SLC24A2: variants seen among roughly 807,000 people sequenced by gnomAD.
SLC24A2 encodes the protein solute carrier family 24 member 2, also known as sodium/potassium/calcium exchanger 2.
SLC24A2 carries 36 observed loss-of-function variants against 62.0 expected under a neutral mutation model. The observed-to-expected ratio is 0.58, with a 90% CI of 0.44 to 0.77. The LOEUF is 0.77. Ranked by LOEUF, SLC24A2 falls within the 30% of genes least tolerant of loss-of-function variation. The pLI, the probability that SLC24A2 is intolerant of heterozygous loss-of-function variation, is 0.00. For missense variants in SLC24A2, 846 were observed against 817.9 expected (o/e 1.03, Z -0.42); for synonymous variants, 358 against 294.0 (o/e 1.22, Z -2.23).
the SLC24A2 span, among the ~76,000 whole-genome samples, chr9:20,092,376 G>A: frequency 6.6e-6 from 1 of 152,180 alleles, no homozygotes; most frequent in Non-Finnish European, 1.5e-5. Flanking sequence ...TTGAAGCCCA[G>A]GGTGGCTTTG....
At chr9:19,744,044 A>G (rs1212138495) in intron 2 of SLC24A2, among the ~76,000 whole-genome samples, 1 of 152,094 alleles carries the variant, frequency 6.6e-6, no homozygotes, top group Non-Finnish European at 1.5e-5. Context: ...ACATTGTTAG[A>G]GGGGACCCCC....
At chr9:20,300,411 C>A in the SLC24A2 span, among the ~76,000 whole-genome samples, 1 of 152,112 alleles carries the variant, frequency 6.6e-6, no homozygotes, top group Non-Finnish European at 1.5e-5. Context: ...TTGTCAAAGC[C>A]CTTCTCATGG....
At chr9:19,772,413 T>C (rs1281565945) in intron 2 of SLC24A2, among the ~76,000 whole-genome samples, 2 of 152,194 alleles carry the variant, frequency 1.3e-5, no homozygotes, top group Non-Finnish European at 2.9e-5. Flanking sequence ...AGCTGCTGTA[T>C]CTATGGAGCA....
chr9:20,140,064 A>C, the SLC24A2 span, among the ~76,000 whole-genome samples: 1 of 152,252 alleles, frequency 6.6e-6, no homozygotes, highest in African/African-American at 2.4e-5. Flanking sequence ...CACATTGAAA[A>C]GAGAATACAA....
At chr9:20,289,436 T>C in the SLC24A2 span, among the ~76,000 whole-genome samples, 1 of 152,166 alleles carries the variant, frequency 6.6e-6, no homozygotes, top group Non-Finnish European at 1.5e-5. Context: ...ACCGGAGTTA[T>C]TAAGAGGAAT....
At chr9:19,774,397 C>T (rs771215750) in intron 2 of SLC24A2, among the ~76,000 whole-genome samples, 8 of 152,150 alleles carry the variant, frequency 5.3e-5, no homozygotes, top group Non-Finnish European at 1.0e-4. Context: ...TGTCCTAGGC[C>T]TAAATAATAA....
chr9:19,517,562 C>G (rs144107224), intron 10 of SLC24A2, among the ~76,000 whole-genome samples: 2 of 152,262 alleles, frequency 1.3e-5, no homozygotes, highest in East Asian at 3.9e-4. Context: ...CATGCAGCCC[C>G]TAACTGGGTG....
chr9:20,192,322 A>T, the SLC24A2 span, among the ~76,000 whole-genome samples: 1 of 152,140 alleles, frequency 6.6e-6, no homozygotes, highest in Non-Finnish European at 1.5e-5. Flanking sequence ...GGAAAGTTGC[A>T]CTAAAGACTA....
chr9:20,001,659 T>C, the SLC24A2 span, among the ~76,000 whole-genome samples: 2 of 152,190 alleles, frequency 1.3e-5, no homozygotes, highest in Admixed American at 6.5e-5. Context: ...TGAGGCCTGC[T>C]TGCCACATCA....
chr9:19,805,859 C>T, the SLC24A2 span, among the ~76,000 whole-genome samples: 1 of 147,288 alleles, frequency 6.8e-6, no homozygotes, highest in Admixed American at 6.8e-5. Flanking sequence ...AGCAAACTTA[C>T]TTATAGGGCA....
chr9:19,912,564 T>G, the SLC24A2 span, among the ~76,000 whole-genome samples: 1 of 152,154 alleles, frequency 6.6e-6, no homozygotes, highest in Admixed American at 6.6e-5. Flanking sequence ...TTCTACTGAA[T>G]GCACGTGGGA....
At chr9:19,646,154 G>A (rs1026793861) in intron 2 of SLC24A2, among the ~76,000 whole-genome samples, 1 of 152,168 alleles carries the variant, frequency 6.6e-6, no homozygotes, top group African/African-American at 2.4e-5. Flanking sequence ...AGAATGCAAG[G>A]AATTCTGGCC....
At chr9:19,517,970 T>C (rs112684574) in intron 10 of SLC24A2, among the ~76,000 whole-genome samples, 149 of 141,634 alleles carry the variant, frequency 1.1e-3, no homozygotes, top group Non-Finnish European at 1.9e-3. Flanking sequence ...CTCACACTTC[T>C]AGTGAAGTTG....
the SLC24A2 span, among the ~76,000 whole-genome samples, chr9:19,947,838 AAGAAAGAAAG>A: frequency 1.3e-5 from 2 of 150,642 alleles, no homozygotes; most frequent in Admixed American, 6.6e-5. Context: ...GAAAGAAAGA[AAGAAAGAAAG>A]AAATTAGTTC....
the SLC24A2 span, among the ~76,000 whole-genome samples, chr9:20,199,812 A>G: frequency 6.6e-6 from 1 of 150,548 alleles, no homozygotes; most frequent in Non-Finnish European, 1.5e-5. Flanking sequence ...TCTGCCTCCC[A>G]GGTTCAAGTG....
chr9:20,124,897 T>C, the SLC24A2 span, among the ~76,000 whole-genome samples: 4 of 152,162 alleles, frequency 2.6e-5, no homozygotes, highest in African/African-American at 9.7e-5. Context: ...GATAAGACCA[T>C]CAAATGCATA....
chr9:19,518,525 G>A (rs1291029356), intron 10 of SLC24A2, among the ~76,000 whole-genome samples: 2 of 151,366 alleles, frequency 1.3e-5, no homozygotes, highest in African/African-American at 4.9e-5. Flanking sequence ...GGGTTCAAGC[G>A]ATTCTCCTGC....
chr9:20,002,668 A>C, the SLC24A2 span, among the ~76,000 whole-genome samples: 2 of 152,198 alleles, frequency 1.3e-5, no homozygotes, highest in Non-Finnish European at 2.9e-5. Context: ...AAATGATGGA[A>C]ACTCCAGACT....
the SLC24A2 span, among the ~76,000 whole-genome samples, chr9:19,932,060 T>A: frequency 3.3e-5 from 5 of 152,144 alleles, no homozygotes; most frequent in Admixed American, 6.5e-5. Flanking sequence ...TGTATTCGCA[T>A]ACCACAATAC....
Sources: gnomAD v4.1 joint callset for allele counts (sites outside exome capture counted in the v4.1 genomes callset) on GRCh38, gnomAD v4.1.1 for gene constraint, MANE v1.5 for transcripts, NCBI Gene and HGNC (gene_info 2026-07-23, HGNC 2026-07-21) for gene names.